The following SNX9 variants were observed in gnomAD, a reference collection of about 807,000 sequenced individuals.
SNX9 encodes the protein sorting nexin 9.
Under a neutral mutation model 89.4 loss-of-function variants are expected in SNX9, and 44 were observed. That is an observed-to-expected ratio of 0.49 (90% CI 0.39 to 0.63). The LOEUF is 0.63. Ranked by LOEUF, SNX9 falls within the 30% of genes least tolerant of loss-of-function variation. The probability of loss-of-function intolerance (pLI) is 0.00; values close to 1 mark genes in which losing one functional copy is unlikely to be tolerated. For synonymous variants in SNX9, 236 were observed against 247.8 expected (o/e 0.95, Z 0.45); for missense variants, 578 against 736.1 (o/e 0.79, Z 2.49).
At chr6:157,854,345 G>A (rs892596184) in intron 1 of SNX9, among the ~76,000 whole-genome samples, 6 of 152,196 alleles carry the variant, frequency 3.9e-5, no homozygotes, top group Non-Finnish European at 5.9e-5. Context: ...TAAATAGTGG[G>A]TTAGTAACCT....
intron 4 of SNX9, among the ~76,000 whole-genome samples, chr6:157,877,647 G>A (rs1179050997): frequency 6.6e-6 from 1 of 152,086 alleles, no homozygotes; most frequent in Non-Finnish European, 1.5e-5. Flanking sequence ...GAGCTGCTTG[G>A]GAGGCTCTGA....
At chr6:157,932,167 T>C (rs778119371) in intron 12 of SNX9, 28 bp from the exon 13 acceptor site, 3 of 1,599,678 alleles carry the variant, frequency 1.9e-6, no homozygotes. Flanking sequence ...CTCAGAAGAC[T>C]AATCGTTTAT....
chr6:157,901,010 A>G (rs1288109466), intron 5 of SNX9, among the ~76,000 whole-genome samples: 1 of 152,136 alleles, frequency 6.6e-6, no homozygotes, highest in Non-Finnish European at 1.5e-5. Context: ...GTGTCTGTTT[A>G]TAGGCTCTTT....
intron 11 of SNX9, 74 bp from the exon 12 acceptor site, chr6:157,928,525 A>G (rs1351373475): frequency 7.9e-6 from 9 of 1,146,430 alleles, no homozygotes; most frequent in East Asian, 5.3e-5. Context: ...GTCTGTGGTT[A>G]TATTTGGCCC....
intron 11 of SNX9, among the ~76,000 whole-genome samples, chr6:157,928,094 C>A (rs1783733943): frequency 6.6e-6 from 1 of 152,168 alleles, no homozygotes. Flanking sequence ...GTTTTATAAT[C>A]TGCTTTTTTC....
intron 7 of SNX9, among the ~76,000 whole-genome samples, chr6:157,908,819 C>T (rs2115178074): frequency 6.6e-6 from 1 of 152,278 alleles, no homozygotes; most frequent in East Asian, 1.9e-4. Context: ...AACTAAAACC[C>T]CAGTGAGCTA....
At chr6:157,841,465 A>C (rs1233845625) in intron 1 of SNX9, among the ~76,000 whole-genome samples, 1 of 152,096 alleles carries the variant, frequency 6.6e-6, no homozygotes, top group Non-Finnish European at 1.5e-5. Flanking sequence ...ATTGAGACCT[A>C]CCTAGAGACC....
rs1443720495 is a variant in SNX9 at position 157,920,409 on chromosome 6, C to T, written c.950-1122C>T. ...ACATGGCATCTCCCATCACTCCAAG[C>T]GAGCCTTCTACCCTCACGGAGAAGC... On this transcript the variant is annotated intron_variant, in intron 9 of 17. Transcript: ENST00000392185. Among the ~76,000 whole-genome samples, 8 of 152,202 alleles carry T rather than the reference C, an allele frequency of 5.3e-5. No individual in the cohort carries two copies. The East Asian group carries it at 9.6e-4, about 18-fold the overall frequency.
intron 7 of SNX9, among the ~76,000 whole-genome samples, chr6:157,908,193 C>A (rs188526208): frequency 6.6e-6 from 1 of 152,104 alleles, no homozygotes; most frequent in Non-Finnish European, 1.5e-5. Context: ...CTTCCTTCAG[C>A]GCAATCTGTG....
intron 13 of SNX9, among the ~76,000 whole-genome samples, chr6:157,932,829 T>G (rs893216916): frequency 2.3e-5 from 3 of 129,306 alleles, no homozygotes; most frequent in African/African-American, 9.2e-5. Flanking sequence ...ATCTTACCAG[T>G]GCACTCCAGC....
At chr6:157,834,355 T>C (rs1046609628) in intron 1 of SNX9, among the ~76,000 whole-genome samples, 16 of 149,912 alleles carry the variant, frequency 1.1e-4, no homozygotes, top group African/African-American at 3.4e-4. Flanking sequence ...AATTTTTTTT[T>C]TTTTTTGTAG....
chr6:157,939,433 A>G (rs1015936768), intron 16 of SNX9, among the ~76,000 whole-genome samples: 11 of 152,332 alleles, frequency 7.2e-5, no homozygotes, highest in African/African-American at 2.6e-4. Context: ...GAGTAAAAAA[A>G]AATCAATCCT....
At chr6:157,932,319 G>C in intron 13 of SNX9, 47 bp downstream of exon 13, 1 of 1,537,344 alleles carries the variant, frequency 6.5e-7, no homozygotes, top group Non-Finnish European at 9.0e-7. Context: ...GCCTTATGTA[G>C]ACCTGTCACC....
chr6:157,888,948 C>T (rs149361846), intron 4 of SNX9, among the ~76,000 whole-genome samples: 5 of 151,576 alleles, frequency 3.3e-5, no homozygotes, highest in Non-Finnish European at 5.9e-5. Context: ...TGTGGTACCA[C>T]GGAGAGAGGG....
chr6:157,928,779 G>A (rs780360019), intron 12 of SNX9, 77 bp downstream of exon 12: 44 of 1,122,140 alleles, frequency 3.9e-5, no homozygotes, highest in African/African-American at 4.9e-5. Flanking sequence ...ATCATAGAGG[G>A]GAACCTGCTG....
chr6:157,873,444 G>A (rs1243631331), intron 3 of SNX9, among the ~76,000 whole-genome samples: 1 of 148,566 alleles, frequency 6.7e-6, no homozygotes, highest in Non-Finnish European at 1.5e-5. Context: ...CTGAATAAAA[G>A]TTAGTATTTT....
chr6:157,928,090 T>C (rs1783733834), intron 11 of SNX9, among the ~76,000 whole-genome samples: 2 of 152,234 alleles, frequency 1.3e-5, no homozygotes, highest in South Asian at 4.1e-4. Context: ...TTTTGTTTTA[T>C]AATCTGCTTT....
Position 157,938,653 on chromosome 6 carries a change from A to G in SNX9, c.1554A>G (p.Lys518=), listed in dbSNP as rs1209492285. The change falls in exon 16 of 18, where the codon AAA becomes AAG. Residue 518 remains lysine, a synonymous_variant. Transcript: ENST00000392185. ...CACAGGGAGCAATAGAAAAAGTGAA[A>G]GAAAGTGACAAACTAGTTGCAACAA... The part of the protein sequence containing the change: ...GTHKGAIEKV[K]ESDKLVATSK... The G allele has an allele frequency of 6.2e-7, 1 of 1,613,750 alleles. No individual in the cohort carries two copies. Among genetic ancestry groups the G allele is most frequent in the Admixed American group, 1.7e-5 (1 of 60,006 alleles).
At chr6:157,840,803 A>G (rs1452419637) in intron 1 of SNX9, among the ~76,000 whole-genome samples, 1 of 152,184 alleles carries the variant, frequency 6.6e-6, no homozygotes, top group Non-Finnish European at 1.5e-5. Context: ...ATTATTTTGC[A>G]TTCGAGATTT....
Sources: gnomAD v4.1 joint callset for allele counts (sites outside exome capture counted in the v4.1 genomes callset) on GRCh38, gnomAD v4.1.1 for gene constraint, MANE v1.5 for transcripts, NCBI Gene and HGNC (gene_info 2026-07-23, HGNC 2026-07-21) for gene names.